EPHA5: variants seen among roughly 807,000 people sequenced by gnomAD.
EPHA5 encodes the protein ephrin type-A receptor 5.
EPHA5 carries 60 observed loss-of-function variants against 105.0 expected under a neutral mutation model. The observed-to-expected ratio is 0.57, with a 90% CI of 0.46 to 0.71. The LOEUF (loss-of-function observed/expected upper bound fraction) is 0.71, where lower values mean the gene tolerates loss of function less well. EPHA5 is among the 30% of genes least tolerant of loss of function. EPHA5 has a pLI of 0.00. For synonymous variants in EPHA5, 513 were observed against 449.1 expected (o/e 1.14, Z -1.80); for missense variants, 1,218 against 1,274.7 (o/e 0.96, Z 0.68).
In EPHA5 at chr4:65,321,374, T is replaced by C. The variant is rs1309153130; in HGVS notation, c.*2740A>G. On this transcript the variant is annotated 3_prime_UTR_variant, in exon 17 of 17. Transcript: ENST00000613740. ...GGATTATGGCCTCACTACATTTTAC[T>C]AGAGTTGGCTCCTCTCCTTGTTCCA... 4.3e-6 allele frequency: 1 copy of C among 230,392 alleles called. No homozygotes were observed. Among genetic ancestry groups the C allele is most frequent in the Non-Finnish European group, 8.6e-6 (1 of 116,258 alleles). The allele number at this position is 230,392 out of a possible 1,614,324, so 14.3% of individuals were successfully genotyped here. A position where few individuals can be genotyped will look rare whatever the true frequency, so the allele number is the denominator to read the frequency against.
At chr4:65,379,439 A>G (rs1719341471) in intron 8 of EPHA5, among the ~76,000 whole-genome samples, 1 of 151,748 alleles carries the variant, frequency 6.6e-6, no homozygotes, top group African/African-American at 2.4e-5. Context: ...ATTTTATTGT[A>G]TTTGTTTTAA....
intron 16 of EPHA5, 36 bp downstream of exon 16, chr4:65,331,937 A>G: frequency 6.4e-7 from 1 of 1,569,480 alleles, no homozygotes; most frequent in Non-Finnish European, 8.6e-7. Context: ...TTCTTGCCCC[A>G]GCAATTATGT....
In EPHA5 at chr4:65,418,862, C is replaced by CTTTTTTTTTT. The variant is rs575608289; in HGVS notation, c.1527+1569_1527+1578dup. Among the ~76,000 whole-genome samples, 108 of 47,074 alleles carry CTTTTTTTTTT rather than the reference C, an allele frequency of 2.3e-3. 16 individuals are homozygous for CTTTTTTTTTT. Among genetic ancestry groups the CTTTTTTTTTT allele is most frequent in the East Asian group, 3.2e-3 (6 of 1,870 alleles). 30.9% of individuals were successfully genotyped at this position (47,074 alleles called of 152,430 possible). Reference sequence around the variant, plus strand: ...AACATTCAATACACTTACCTAAACTCTTTTTTTTTTTTTTTTTTTTTTTTT... The same window carrying CTTTTTTTTTT: ...AACATTCAATACACTTACCTAAACTCTTTTTTTTTTTTTTTTTTTTTTTTTTTTTTTTTTT... On this transcript the variant is annotated intron_variant, in intron 6 of 16. Coordinates refer to ENST00000613740, the MANE Select transcript of EPHA5 (RefSeq NM_001281766.3).
At chr4:65,651,868 C>T (rs935732278) in intron 1 of EPHA5, among the ~76,000 whole-genome samples, 2 of 152,018 alleles carry the variant, frequency 1.3e-5, no homozygotes, top group Non-Finnish European at 2.9e-5. Flanking sequence ...GAAACAGTAT[C>T]CACTGGTTCG....
chr4:65,461,682 T>C (rs1404320471), intron 5 of EPHA5, among the ~76,000 whole-genome samples: 1 of 152,004 alleles, frequency 6.6e-6, no homozygotes, highest in Admixed American at 6.6e-5. Flanking sequence ...ATAAAAGATA[T>C]ATAAACCTTG....
intron 2 of EPHA5, among the ~76,000 whole-genome samples, chr4:65,609,152 CAT>C (rs1378972429): frequency 2.6e-5 from 4 of 152,044 alleles, no homozygotes; most frequent in African/African-American, 7.2e-5. Context: ...AAGAATAAAA[CAT>C]GTAGCACAGT....
At chr4:65,560,292 T>C (rs1458094876) in intron 3 of EPHA5, among the ~76,000 whole-genome samples, 3 of 152,116 alleles carry the variant, frequency 2.0e-5, no homozygotes, top group African/African-American at 7.2e-5. Context: ...CTGTTTTGCA[T>C]GTCTATAGCT....
intron 1 of EPHA5, among the ~76,000 whole-genome samples, chr4:65,650,162 C>A (rs75119474): frequency 6.6e-6 from 1 of 152,018 alleles, no homozygotes; most frequent in Non-Finnish European, 1.5e-5. Flanking sequence ...ATTCAGCCTG[C>A]CCCCAAATGA....
At chr4:65,440,084 T>C (rs762505403) in intron 5 of EPHA5, among the ~76,000 whole-genome samples, 50 of 152,122 alleles carry the variant, frequency 3.3e-4, no homozygotes, top group Admixed American at 5.9e-4. Flanking sequence ...AGAATGTTAC[T>C]GTAAACATTT....
intron 8 of EPHA5, among the ~76,000 whole-genome samples, chr4:65,395,931 C>G (rs922547741): frequency 6.6e-6 from 1 of 152,188 alleles, no homozygotes; most frequent in Non-Finnish European, 1.5e-5. Context: ...TGGTTATGCG[C>G]TCTATGGAGC....
At position 65,431,853 on chromosome 4, in the gene EPHA5, C is replaced by T. The variant is rs550152962; in HGVS notation, c.1403-11288G>A. Among the ~76,000 whole-genome samples the T allele has an allele frequency of 4.6e-5, 7 of 152,048 alleles. No homozygotes were observed. In the East Asian group the frequency reaches 1.4e-3, roughly 29 times the overall value. ...GTGGCCTCATTTATCTTTGTATCCT[C>T]TACAGCTAGAAAAAGAACAAGCATG... On this transcript the variant is annotated intron_variant, in intron 5 of 16. Coordinates refer to ENST00000613740, the MANE Select transcript of EPHA5 (RefSeq NM_001281766.3).
At chr4:65,572,029 C>T (rs1161618737) in intron 3 of EPHA5, among the ~76,000 whole-genome samples, 1 of 151,812 alleles carries the variant, frequency 6.6e-6, no homozygotes, top group Admixed American at 6.6e-5. Flanking sequence ...TTTGAATTAA[C>T]AAAAATACTG....
intron 5 of EPHA5, among the ~76,000 whole-genome samples, chr4:65,426,603 G>T (rs141190765): frequency 4.7e-4 from 72 of 152,114 alleles, no homozygotes; most frequent in Non-Finnish European, 8.2e-4. Context: ...GCATAGAATG[G>T]CATTTAATTT....
intron 2 of EPHA5, among the ~76,000 whole-genome samples, chr4:65,628,351 AT>A (rs1478740768): frequency 6.6e-6 from 1 of 152,104 alleles, no homozygotes; most frequent in Non-Finnish European, 1.5e-5. Flanking sequence ...ACTTCAATGT[AT>A]GAATAATGCT....
intron 5 of EPHA5, among the ~76,000 whole-genome samples, chr4:65,423,274 CAT>C (rs765811199): frequency 3.9e-5 from 6 of 152,130 alleles, no homozygotes; most frequent in East Asian, 1.9e-4. Flanking sequence ...ATCTACCTAT[CAT>C]CACCGTTATG....
intron 5 of EPHA5, among the ~76,000 whole-genome samples, chr4:65,450,758 A>G (rs548825096): frequency 2.4e-4 from 37 of 152,244 alleles, no homozygotes; most frequent in African/African-American, 8.9e-4. Context: ...TTCCCATTTA[A>G]TCTCCCAAAT....
chr4:65,361,855 T>C (rs1301204657), intron 11 of EPHA5, among the ~76,000 whole-genome samples: 1 of 151,600 alleles, frequency 6.6e-6, no homozygotes, highest in Non-Finnish European at 1.5e-5. Flanking sequence ...TAAGACTCAA[T>C]AGATCTTCCT....
chr4:65,435,761 C>T (rs1002375922), intron 5 of EPHA5, among the ~76,000 whole-genome samples: 3 of 151,844 alleles, frequency 2.0e-5, no homozygotes, highest in African/African-American at 7.3e-5. Flanking sequence ...TTAATGGAAA[C>T]CATTTTTGCT....
chr4:65,491,071 A>G (rs1018235373), intron 4 of EPHA5, among the ~76,000 whole-genome samples: 1 of 152,004 alleles, frequency 6.6e-6, no homozygotes, highest in Non-Finnish European at 1.5e-5. Context: ...ATGTTTCCTC[A>G]TTGGTGCTAA....
Sources: gnomAD v4.1 joint callset for allele counts (sites outside exome capture counted in the v4.1 genomes callset) on GRCh38, gnomAD v4.1.1 for gene constraint, MANE v1.5 for transcripts, NCBI Gene and HGNC (gene_info 2026-07-23, HGNC 2026-07-21) for gene names.